Variants in INAVA observed in about 807,000 individuals in gnomAD.
INAVA encodes the protein innate immunity activator.
In INAVA, 32 loss-of-function variants were observed where a neutral mutation model predicts 55.3. That is an observed-to-expected ratio of 0.58 (90% CI 0.44 to 0.78). The LOEUF is 0.78. Ranked by LOEUF, INAVA falls within the 30% of genes least tolerant of loss-of-function variation. The probability of loss-of-function intolerance (pLI) is 0.00; values close to 1 mark genes in which losing one functional copy is unlikely to be tolerated. For missense variants in INAVA, 756 were observed against 786.4 expected (o/e 0.96, Z 0.46); for synonymous variants, 294 against 329.4 (o/e 0.89, Z 1.16).
rs1485290019 is a variant in INAVA, at chr1:200,901,033, G to A, written c.394G>A (p.Ala132Thr). Reference protein sequence around the residue: ...LCLEENLSRQARRQRKHSMLQ... With the variant: ...LCLEENLSRQTRRQRKHSMLQ... ...CCTGGAGGAGAACCTCAGCAGGCAGGCTCGGCGGCAGCGGAAGCACTCCAT... is the reference window on the plus strand; with the variant it reads ...CCTGGAGGAGAACCTCAGCAGGCAGACTCGGCGGCAGCGGAAGCACTCCAT... The change falls in exon 5 of 10, where the codon GCT becomes ACT. Residue 132 changes from alanine (A) to threonine (T), a missense_variant. Around this residue, in one of 2 missense-constraint regions of INAVA, gnomAD observed 639 missense variants for 624.3 expected, o/e 1.02. Transcript: ENST00000413687. 14 of 1,548,660 alleles carry A rather than the reference G, an allele frequency of 9.0e-6. No individual in the cohort carries two copies. Among genetic ancestry groups the A allele is most frequent in the Non-Finnish European group, 1.0e-5 (12 of 1,146,674 alleles).
At chr1:200,908,649 C>G in intron 6 of INAVA, 81 bp from the exon 7 acceptor site, 1 of 1,218,886 alleles carries the variant, frequency 8.2e-7, no homozygotes, top group Non-Finnish European at 1.1e-6. Context: ...AGCGGCGAGG[C>G]ATGGGCTGTG....
Position 200,900,870 on chromosome 1 carries a change from G to A in INAVA, c.298-67G>A, listed in dbSNP as rs1653217206. 17 of 1,270,088 alleles carry A rather than the reference G, an allele frequency of 1.3e-5. No homozygotes were observed. The East Asian group carries it at 4.1e-4, about 31-fold the overall frequency. 78.7% of individuals were successfully genotyped at this position (1,270,088 alleles called of 1,614,324 possible). A position where few individuals can be genotyped will look rare whatever the true frequency, so the allele number is the denominator to read the frequency against. Reference sequence around the variant, plus strand: ...GGACCTAGAGCACTGTGTCAGGGCTGCTGTCCACCCTCTGGGCCCCCAATC... The same window carrying A: ...GGACCTAGAGCACTGTGTCAGGGCTACTGTCCACCCTCTGGGCCCCCAATC... On this transcript the variant is annotated intron_variant, in intron 4 of 9. Transcript: ENST00000413687.
intron 1 of INAVA, among the ~76,000 whole-genome samples, chr1:200,897,849 T>C (rs1653012058): frequency 6.6e-6 from 1 of 152,178 alleles, no homozygotes; most frequent in Non-Finnish European, 1.5e-5. Context: ...CTTGAACTCC[T>C]GGGCTCAAGC....
intron 5 of INAVA, among the ~76,000 whole-genome samples, chr1:200,904,120 G>C (rs542715946): frequency 1.4e-5 from 2 of 146,734 alleles, no homozygotes; most frequent in Admixed American, 6.8e-5. Flanking sequence ...ACGGAGTCTT[G>C]CTCTCTCATC....
chr1:200,898,507 G>C (rs1653062595), intron 2 of INAVA, 52 bp downstream of exon 2: 2 of 1,595,310 alleles, frequency 1.3e-6, no homozygotes, highest in Admixed American at 1.7e-5. Flanking sequence ...CTGGTCCCTG[G>C]TCCCTGGCCC....
rs1004546959 is a variant in INAVA at position 200,894,950 on chromosome 1, C to T, written c.-232C>T. ...AGGCAGGTGAGCCGAGACGGACGGA[C>T]GGCCAGCAGCTCCGTCAGCTGGAGA... On this transcript the variant is annotated 5_prime_UTR_variant, in exon 1 of 10. It adds an upstream start codon to the 5' untranslated region. Transcript: ENST00000413687. 29 of 985,758 alleles carry T rather than the reference C, an allele frequency of 2.9e-5. No individual in the cohort carries two copies. Among genetic ancestry groups the T allele is most frequent in the Middle Eastern group, 5.2e-4 (1 of 1,916 alleles). 61.1% of individuals were successfully genotyped at this position (985,758 alleles called of 1,614,324 possible).
intron 4 of INAVA, among the ~76,000 whole-genome samples, chr1:200,900,711 TG>T (rs1653210641): frequency 6.6e-6 from 1 of 152,192 alleles, no homozygotes; most frequent in South Asian, 2.1e-4. Context: ...GGTGGGCTGG[TG>T]GGTGGGTGCC....
Position 200,899,477 on chromosome 1 carries a change from C to T in INAVA, c.60C>T (p.Pro20=), listed in dbSNP as rs770248702. Residue 20 remains proline, a synonymous_variant, in exon 3 of 10, where the codon CCC becomes CCT. Transcript: ENST00000413687. ...TGTGCCCCCCAACCCTTGCAGGCCCCGACAGCCCGGTCTCCCCAATGAAGG... is the reference window on the plus strand; with the variant it reads ...TGTGCCCCCCAACCCTTGCAGGCCCTGACAGCCCGGTCTCCCCAATGAAGG... ...TDSGIILQSG[P]DSPVSPMKEL... is the part of the protein sequence containing the mutation. The T allele has an allele frequency of 2.2e-5, 35 of 1,613,948 alleles. No homozygotes were observed. In the African/African-American group the frequency reaches 2.5e-4, roughly 12 times the overall value.
chr1:200,906,167 A>G (rs1051306918), intron 5 of INAVA: 1 of 152,252 alleles, frequency 6.6e-6, no homozygotes, highest in Admixed American at 6.5e-5. Flanking sequence ...TTCATTCTCA[A>G]ACACAGTTGA....
chr1:200,902,949 C>T (rs1192679605), intron 5 of INAVA: 1 of 152,250 alleles, frequency 6.6e-6, no homozygotes, highest in African/African-American at 2.4e-5. Flanking sequence ...CCTTGGAGCC[C>T]TCAGTACAGG....
At chr1:200,905,033 G>T (rs1653424557) in intron 5 of INAVA, among the ~76,000 whole-genome samples, 1 of 152,124 alleles carries the variant, frequency 6.6e-6, no homozygotes, top group Non-Finnish European at 1.5e-5. Context: ...GGTGTGCCTG[G>T]CCCAATGAAA....
upstream of INAVA, chr1:200,891,582 G>C: frequency 6.3e-7 from 1 of 1,592,514 alleles, no homozygotes; most frequent in South Asian, 1.1e-5. Context: ...CTCCGGGGAG[G>C]GCAGGCCGCA....
chr1:200,898,481 C>T, intron 2 of INAVA, 26 bp downstream of exon 2: 2 of 1,608,228 alleles, frequency 1.2e-6, no homozygotes, highest in Middle Eastern at 1.7e-4. Flanking sequence ...AATCCCCCTG[C>T]CCTAGTCCCT....
At chr1:200,903,487 CAAAAACA>C (rs1653350122) in intron 5 of INAVA, among the ~76,000 whole-genome samples, 1 of 151,110 alleles carries the variant, frequency 6.6e-6, no homozygotes, top group Admixed American at 6.6e-5. Context: ...GACTTTGTCT[CAAAAACA>C]AAAAACAAAA....
At chr1:200,899,028 G>T (rs1479001250) in intron 2 of INAVA, among the ~76,000 whole-genome samples, 1 of 152,174 alleles carries the variant, frequency 6.6e-6, no homozygotes, top group African/African-American at 2.4e-5. Flanking sequence ...TCTCTGTTTG[G>T]CCAGACCTGT....
intron 2 of INAVA, 121 bp downstream of exon 2, chr1:200,898,576 G>A (rs1293385118): frequency 7.1e-5 from 81 of 1,144,516 alleles, no homozygotes; most frequent in Non-Finnish European, 1.0e-4. Context: ...ACTCCCAAGG[G>A]CTGAGAGGAA....
intron 8 of INAVA, among the ~76,000 whole-genome samples, chr1:200,910,219 T>C (rs1283776185): frequency 6.6e-6 from 1 of 152,208 alleles, no homozygotes; most frequent in Non-Finnish European, 1.5e-5. Context: ...CATGGCCTCG[T>C]TTAACCTCAG....
At position 200,901,115 on chromosome 1, in the gene INAVA, G is replaced by A. The variant is rs774931721; in HGVS notation, c.476G>A (p.Arg159His). The A allele has an allele frequency of 4.5e-5, 69 of 1,530,466 alleles. No individual in the cohort carries two copies. Among genetic ancestry groups the A allele is most frequent in the African/African-American group, 2.9e-4 (21 of 72,862 alleles). The allele number at this position is 1,530,466 out of a possible 1,614,324, so 94.8% of individuals were successfully genotyped here. A position where few individuals can be genotyped will look rare whatever the true frequency, so the allele number is the denominator to read the frequency against. Residue 159 changes from arginine (R) to histidine (H), a missense_variant, in exon 5 of 10, where the codon CGC (arginine) becomes CAC (histidine). Around this residue, in one of 2 missense-constraint regions of INAVA, gnomAD observed 639 missense variants for 624.3 expected, o/e 1.02. Coordinates refer to ENST00000413687, the MANE Select transcript of INAVA (RefSeq NM_001142569.3). Reference sequence around the variant, plus strand: ...CAGCGCTGCCTGGTCGAGCGGCGGCGCAATAGCGAGCCACCTCCGGCTGCT... The same window carrying A: ...CAGCGCTGCCTGGTCGAGCGGCGGCACAATAGCGAGCCACCTCCGGCTGCT... ...ELQRCLVERR[R>H]NSEPPPAAAL...
At position 200,911,615 on chromosome 1, in the gene INAVA, T is replaced by C. The variant is rs758367248; in HGVS notation, c.1122T>C (p.Ser374=). The C allele has an allele frequency of 1.2e-6, 2 of 1,614,034 alleles. No homozygotes were observed. The highest frequency in any genetic ancestry group is 2.2e-5 in the South Asian group (2 of 91,078). Reference sequence around the variant, plus strand: ...ACTCCTGCTCAGAAGACAGTGGCTCTGACGTCTCCAGCATCTCCCACCCCA... The same window carrying C: ...ACTCCTGCTCAGAAGACAGTGGCTCCGACGTCTCCAGCATCTCCCACCCCA... The part of the protein sequence containing the change: ...ACHSCSEDSG[S]DVSSISHPTS... The change falls in exon 9 of 10, where the codon TCT becomes TCC. Residue 374 remains serine, a synonymous_variant. Coordinates refer to ENST00000413687, the MANE Select transcript of INAVA (RefSeq NM_001142569.3).
Sources: allele counts gnomAD v4.1 joint callset (sites outside exome capture counted in the v4.1 genomes callset), GRCh38; gene constraint gnomAD v4.1.1; regional missense constraint gnomAD v4.1.1; transcripts MANE v1.5; gene names NCBI Gene and HGNC (gene_info 2026-07-23, HGNC 2026-07-21).